Variants in NAPA observed in about 807,000 individuals in gnomAD.
NAPA encodes NSF attachment protein alpha, also known as alpha-soluble NSF attachment protein.
A neutral mutation model predicts 48.0 loss-of-function variants in NAPA; 18 were observed. The ratio of observed to expected loss-of-function variants is 0.38; its 90% CI spans 0.26 to 0.56. The LOEUF (loss-of-function observed/expected upper bound fraction) is 0.56. Among genes scored for constraint, NAPA ranks in the 20% least tolerant of loss-of-function variants. The probability of loss-of-function intolerance (pLI) is 0.77; values close to 1 mark genes in which losing one functional copy is unlikely to be tolerated. For missense variants in NAPA, 315 were observed against 385.0 expected, an observed-to-expected ratio of 0.82 and a Z score of 1.52; for synonymous variants, 152 against 149.9, an observed-to-expected ratio of 1.01 and a Z score of -0.10.
At chr19:47,500,864 C>T in intron 2 of NAPA, 115 bp from the exon 3 acceptor site, 1 of 735,026 alleles carries the variant, frequency 1.4e-6, no homozygotes, top group Non-Finnish European at 2.1e-6. Flanking sequence ...AAAGAGTCCC[C>T]AAGACAGGAC....
intron 1 of NAPA, among the ~76,000 whole-genome samples, 177 bp downstream of exon 1, chr19:47,514,666 C>G (rs1481123969): frequency 6.6e-6 from 1 of 152,200 alleles, no homozygotes; most frequent in Admixed American, 6.5e-5. Context: ...TTGCCCCGGC[C>G]CAGGCTCTTG....
chr19:47,484,991 T>A (rs1968028880), downstream of NAPA, among the ~76,000 whole-genome samples: 1 of 152,146 alleles, frequency 6.6e-6, no homozygotes. Flanking sequence ...TGAGCCCCCT[T>A]GCCCGGCCTA....
At chr19:47,490,273 T>C (rs1339333301) in intron 9 of NAPA, among the ~76,000 whole-genome samples, 1 of 144,044 alleles carries the variant, frequency 6.9e-6, no homozygotes, top group Non-Finnish European at 1.5e-5. Context: ...GTGTGGTGTG[T>C]GTACTGTGCA....
At chr19:47,507,653 C>T (rs961584991) in intron 1 of NAPA, among the ~76,000 whole-genome samples, 15 of 152,186 alleles carry the variant, frequency 9.9e-5, no homozygotes, top group South Asian at 2.1e-4. Flanking sequence ...TCCTAGGGCC[C>T]GTCACATGCC....
At chr19:47,512,374 T>C (rs946270769) in intron 1 of NAPA, among the ~76,000 whole-genome samples, 1 of 152,162 alleles carries the variant, frequency 6.6e-6, no homozygotes, top group African/African-American at 2.4e-5. Context: ...CGCTGCTTCC[T>C]CTGAGCTCAG....
chr19:47,505,611 G>C (rs1968677646), intron 1 of NAPA: 1 of 152,194 alleles, frequency 6.6e-6, no homozygotes, highest in African/African-American at 2.4e-5. Flanking sequence ...AGGTGAGTTT[G>C]AGAAGGAAAA....
intron 1 of NAPA, among the ~76,000 whole-genome samples, chr19:47,513,634 T>C (rs1968846086): frequency 6.6e-6 from 1 of 151,948 alleles, no homozygotes; most frequent in African/African-American, 2.4e-5. Flanking sequence ...CTCCCAGGCC[T>C]TTTCCCATCC....
At chr19:47,513,024 C>T (rs916072989) in intron 1 of NAPA, among the ~76,000 whole-genome samples, 3 of 152,156 alleles carry the variant, frequency 2.0e-5, no homozygotes, top group African/African-American at 7.2e-5. Flanking sequence ...ACACACTGTT[C>T]TCTCTACAAG....
At chr19:47,508,047 A>C (rs1454170701) in intron 1 of NAPA, among the ~76,000 whole-genome samples, 1 of 152,108 alleles carries the variant, frequency 6.6e-6, no homozygotes, top group Non-Finnish European at 1.5e-5. Flanking sequence ...TAAAGAAGCC[A>C]GGGAGCCTGT....
chr19:47,511,150 C>T (rs114557854), intron 1 of NAPA, among the ~76,000 whole-genome samples: 2,261 of 152,322 alleles, frequency 0.015, 40 homozygotes, highest in Middle Eastern at 0.054. Flanking sequence ...AAGGGAGAGG[C>T]ACCAAGGACA....
chr19:47,507,792 C>G (rs533578629), intron 1 of NAPA, among the ~76,000 whole-genome samples: 1 of 152,318 alleles, frequency 6.6e-6, no homozygotes, highest in African/African-American at 2.4e-5. Flanking sequence ...TCACGAGAGC[C>G]CTTTGGGTGC....
At chr19:47,499,399 G>A (rs1013810320) in intron 3 of NAPA, among the ~76,000 whole-genome samples, 2 of 152,232 alleles carry the variant, frequency 1.3e-5, no homozygotes, top group South Asian at 2.1e-4. Context: ...GCTTGGCGGG[G>A]CAGTTTAATG....
At chr19:47,510,424 T>C (rs1968783986) in intron 1 of NAPA, among the ~76,000 whole-genome samples, 1 of 152,224 alleles carries the variant, frequency 6.6e-6, no homozygotes, top group African/African-American at 2.4e-5. Flanking sequence ...TGACAATACC[T>C]ACTAATAAAG....
chr19:47,484,900 A>G (rs1274832858), downstream of NAPA, among the ~76,000 whole-genome samples: 3 of 152,022 alleles, frequency 2.0e-5, no homozygotes, highest in Non-Finnish European at 4.4e-5. Flanking sequence ...GGGTTTCGCC[A>G]TGTTGCCCAG....
Position 47,492,071 on chromosome 19 carries a change from C to T in NAPA, c.610G>A (p.Asp204Asn). The T allele has an allele frequency of 6.2e-7, 1 of 1,614,158 alleles. No individual in the cohort carries two copies. ...DSPLLKYSAK[D>N]YFFKAALCHF... ...CAGAGGGCCGCCTTGAAGAAGTAGT[C>T]TTTGGCGCTGTACTTGAGGAGGGGG... Residue 204 changes from aspartate to asparagine, a missense_variant, in exon 8 of 11, where the codon GAC becomes AAC. Coordinates refer to ENST00000263354, the MANE Select transcript of NAPA (RefSeq NM_003827.4).
chr19:47,492,729 GA>G, intron 7 of NAPA: 1 of 675,410 alleles, frequency 1.5e-6, no homozygotes, highest in Non-Finnish European at 2.7e-6. Context: ...AGGGGTGTGG[GA>G]GGGGCACAGC....
downstream of NAPA, among the ~76,000 whole-genome samples, chr19:47,485,053 TG>T (rs1222469013): frequency 2.6e-5 from 4 of 152,096 alleles, no homozygotes; most frequent in African/African-American, 9.7e-5. Flanking sequence ...ACATTCTTCT[TG>T]CCCCCAAGGA....
At chr19:47,490,203 G>A (rs1968207463) in intron 9 of NAPA, among the ~76,000 whole-genome samples, 1 of 148,378 alleles carries the variant, frequency 6.7e-6, no homozygotes, top group African/African-American at 2.5e-5. Flanking sequence ...CAATGTGTGT[G>A]TGTGGGGTGT....
At chr19:47,486,248 G>A (rs1282940368), downstream of NAPA, among the ~76,000 whole-genome samples, 3 of 151,994 alleles carry the variant, frequency 2.0e-5, no homozygotes, top group South Asian at 2.1e-4. Flanking sequence ...CCAGCTACTC[G>A]GGAGACTGAG....
Sources: gnomAD v4.1 joint callset for allele counts (sites outside exome capture counted in the v4.1 genomes callset) on GRCh38, gnomAD v4.1.1 for gene constraint, MANE v1.5 for transcripts, NCBI Gene and HGNC (gene_info 2026-07-23, HGNC 2026-07-21) for gene names.